The following MICU3 variants were observed in gnomAD, a reference collection of about 807,000 sequenced individuals.
MICU3 encodes mitochondrial calcium uptake 3, also known as calcium uptake protein 3, mitochondrial.
In MICU3, 62 loss-of-function variants were observed where a neutral mutation model predicts 66.5. That is an observed-to-expected ratio of 0.93 (90% confidence interval 0.76 to 1.15). The LOEUF (loss-of-function observed/expected upper bound fraction) is 1.15, where lower values mean the gene tolerates loss of function less well. Among genes scored for constraint, MICU3 ranks in the 50% most tolerant of loss-of-function variants. The pLI is 0.00. For synonymous variants in MICU3, 308 were observed against 240.7 expected (o/e 1.28, Z -2.59); for missense variants, 779 against 664.4 (o/e 1.17, Z -1.90).
At chr8:17,090,207 CT>C (rs1218370234) in intron 7 of MICU3, among the ~76,000 whole-genome samples, 1 of 152,104 alleles carries the variant, frequency 6.6e-6, no homozygotes, top group African/African-American at 2.4e-5. Context: ...GGATTTCCCC[CT>C]ATGCCATGTA....
At chr8:17,082,203 A>G (rs560171334) in intron 5 of MICU3, among the ~76,000 whole-genome samples, 3 of 152,180 alleles carry the variant, frequency 2.0e-5, no homozygotes, top group South Asian at 2.1e-4. Context: ...AGGGTTTACT[A>G]TGTTTTCAGT....
chr8:17,080,116 A>G (rs1418555192), intron 4 of MICU3, among the ~76,000 whole-genome samples: 1 of 152,090 alleles, frequency 6.6e-6, no homozygotes, highest in African/African-American at 2.4e-5. Context: ...GCACGCCATA[A>G]ATAAATTGAA....
In MICU3 at chr8:17,105,422, T is replaced by C; in HGVS notation, c.1095T>C (p.Asp365=). 6.5e-7 allele frequency: 1 copy of C among 1,540,400 alleles called. No individual in the cohort carries two copies. The highest frequency in any genetic ancestry group is 8.8e-7 in the Non-Finnish European group (1 of 1,135,786). Residue 365 remains aspartate, a synonymous_variant, in exon 11 of 15, where the codon GAT becomes GAC. Transcript: ENST00000318063. ...LNFEDFYRFM[D]NLQTEVLEIE... is the part of the protein sequence containing the mutation. ...TACATTTTTGTCATAGATTCATGGA[T>C]AATCTCCAAACAGAAGTTCTAGAAA...
chr8:17,093,639 A>G (rs2150772422), intron 8 of MICU3, among the ~76,000 whole-genome samples: 1 of 152,014 alleles, frequency 6.6e-6, no homozygotes, highest in Non-Finnish European at 1.5e-5. Flanking sequence ...TGTTTTATGT[A>G]TTTTGAATTG....
rs547771154 is a variant in MICU3, at chr8:17,111,092, C to T, written c.1258-3001C>T. Among the ~76,000 whole-genome samples, 7 of 152,112 alleles carry T rather than the reference C, an allele frequency of 4.6e-5. No homozygotes were observed. The East Asian group carries it at 5.8e-4, about 13-fold the overall frequency. On this transcript the variant is annotated intron_variant, in intron 11 of 14. Transcript: ENST00000318063. ...CATGTAGTTTTGATTTGTATTTCCC[C>T]GGGGAGTAATTATATTCAGCATCTT...
the MICU3 span, among the ~76,000 whole-genome samples, chr8:17,128,526 A>G: frequency 1.3e-5 from 2 of 152,200 alleles, no homozygotes; most frequent in African/African-American, 4.8e-5. Context: ...AAACAGATAC[A>G]CTTATGAGAT....
chr8:17,037,349 C>T (rs1251553686), intron 1 of MICU3, among the ~76,000 whole-genome samples: 1 of 152,208 alleles, frequency 6.6e-6, no homozygotes, highest in African/African-American at 2.4e-5. Context: ...CGAGCGAGGA[C>T]TGTGAAGACT....
chr8:17,043,930 TTAAA>T (rs1442577047), intron 1 of MICU3, among the ~76,000 whole-genome samples: 3 of 152,240 alleles, frequency 2.0e-5, no homozygotes, highest in Admixed American at 1.3e-4. Flanking sequence ...CTAATGTGTA[TTAAA>T]TAGTGAACTA....
chr8:17,126,142 T>G (rs1803400552), downstream of MICU3, among the ~76,000 whole-genome samples: 2 of 150,256 alleles, frequency 1.3e-5, 1 homozygote, highest in South Asian at 4.2e-4. Flanking sequence ...GGGAGGAGCC[T>G]GTAATGTAAA....
chr8:17,129,234 T>A, the MICU3 span, among the ~76,000 whole-genome samples: 3 of 152,256 alleles, frequency 2.0e-5, no homozygotes, highest in Admixed American at 6.5e-5. Context: ...CAGTGTAGTA[T>A]CCATAACATC....
At chr8:17,133,575 G>C in the MICU3 span, among the ~76,000 whole-genome samples, 1 of 151,740 alleles carries the variant, frequency 6.6e-6, no homozygotes, top group East Asian at 1.9e-4. Context: ...CTGCTTTTAA[G>C]CTTAGAAATA....
At chr8:17,073,837 A>G (rs1247924956) in intron 3 of MICU3, among the ~76,000 whole-genome samples, 2 of 152,198 alleles carry the variant, frequency 1.3e-5, no homozygotes, top group African/African-American at 4.8e-5. Flanking sequence ...GAATAAATAC[A>G]TTATAGCTAT....
rs111800861 is a variant in MICU3, at chr8:17,031,262, T to TTTTTTA, written c.381+3604_381+3605insTTTATT. On this transcript the variant is annotated intron_variant, in intron 1 of 14. Transcript: ENST00000318063. ...ATTTTAAACCTATGCTGCCACTTCA[T>TTTTTTA]TTATTATTATTATTATTATTATTAT... Among the ~76,000 whole-genome samples, 397 of 139,178 alleles carry TTTTTTA rather than the reference T, an allele frequency of 2.9e-3. 1 individual carries two copies. Among genetic ancestry groups the TTTTTTA allele is most frequent in the African/African-American group, 9.9e-3 (368 of 37,062 alleles). The allele number at this position is 139,178 out of a possible 152,430, so 91.3% of individuals were successfully genotyped here.
chr8:17,116,629 T>C (rs765699528), intron 13 of MICU3, 29 bp downstream of exon 13: 1 of 1,479,180 alleles, frequency 6.8e-7, no homozygotes, highest in East Asian at 2.5e-5. Context: ...AACCTATTGA[T>C]ATCCTTTTTA....
chr8:17,068,220 A>T (rs9325803), intron 2 of MICU3, among the ~76,000 whole-genome samples: 14,291 of 152,126 alleles, frequency 0.094, 2,238 homozygotes, highest in African/African-American at 0.33. Flanking sequence ...AATTCAGAAA[A>T]TCCTTTGAAG....
intron 1 of MICU3, among the ~76,000 whole-genome samples, chr8:17,043,350 A>G (rs1814528537): frequency 6.6e-6 from 1 of 152,190 alleles, no homozygotes; most frequent in Non-Finnish European, 1.5e-5. Flanking sequence ...AAATAATATC[A>G]TCTAAACCTC....
chr8:17,123,135 T>A (rs181702870), downstream of MICU3, among the ~76,000 whole-genome samples: 4 of 152,220 alleles, frequency 2.6e-5, no homozygotes, highest in Admixed American at 2.0e-4. Flanking sequence ...CACTGTGGTT[T>A]GTAAAAAATT....
At position 17,027,635 on chromosome 8, in the gene MICU3, T is replaced by A; in HGVS notation, c.356T>A (p.Ile119Asn). The A allele has an allele frequency of 1.5e-6, 2 of 1,304,560 alleles. No individual in the cohort carries two copies. The highest frequency in any genetic ancestry group is 4.6e-5 in the South Asian group (2 of 43,478). The allele number at this position is 1,304,560 out of a possible 1,614,324, so 80.8% of individuals were successfully genotyped here. ...CCCCGCGGCCGGGGGATGCTGCCCA[T>A]CCCAGTGGCGGCTGCCAAGGAGACG... is the stretch of plus-strand genomic sequence containing the variant. Reference protein sequence around the residue: ...DPPRGRGMLPIPVAAAKETVA... With the variant: ...DPPRGRGMLPNPVAAAKETVA... The change falls in exon 1 of 15, where the codon ATC becomes AAC. Residue 119 changes from isoleucine to asparagine, a missense_variant. By Grantham distance (149) the Ile-to-Asn change is moderately radical. Coordinates refer to ENST00000318063, the MANE Select transcript of MICU3 (RefSeq NM_181723.3).
intron 3 of MICU3, among the ~76,000 whole-genome samples, chr8:17,072,025 G>A (rs1450743741): frequency 4.0e-5 from 6 of 151,792 alleles, no homozygotes; most frequent in Non-Finnish European, 7.4e-5. Flanking sequence ...AAATTGATCC[G>A]AAATTAACTT....
Sources: allele counts gnomAD v4.1 joint callset (sites outside exome capture counted in the v4.1 genomes callset), GRCh38; gene constraint gnomAD v4.1.1; transcripts MANE v1.5; gene names NCBI Gene and HGNC (gene_info 2026-07-23, HGNC 2026-07-21).